Variants in TMEM150A observed in about 807,000 individuals in gnomAD.
The protein encoded by TMEM150A is fasting-inducible integral membrane protein TM6P1.
TMEM150A carries 18 observed loss-of-function variants against 29.8 expected under a neutral mutation model. That is an observed-to-expected ratio of 0.60 (90% CI 0.42 to 0.90). The LOEUF (loss-of-function observed/expected upper bound fraction) is 0.90, where lower values mean the gene tolerates loss of function less well. Ranked by LOEUF, TMEM150A falls within the 40% of genes least tolerant of loss-of-function variation. The pLI is 0.00. For missense variants in TMEM150A, 251 were observed against 349.7 expected (o/e 0.72, Z 2.25); for synonymous variants, 127 against 143.6 (o/e 0.88, Z 0.83).
At position 85,598,905 on chromosome 2, in the gene TMEM150A, G is replaced by A. The variant is rs895309526; in HGVS notation, c.*171C>T. 1.0e-6 allele frequency: 1 copy of A among 966,430 alleles called. No homozygotes were observed. Among genetic ancestry groups the A allele is most frequent in the Non-Finnish European group, 1.5e-6 (1 of 671,676 alleles). 59.9% of individuals were successfully genotyped at this position (966,430 alleles called of 1,614,324 possible). A position where few individuals can be genotyped will look rare whatever the true frequency, so the allele number is the denominator to read the frequency against. The stretch of plus-strand genomic sequence containing the variant: ...GGTCATGCAGCTGTGGCAGCTGGCA[G>A]GGCCCACTCCTCCATGGCACAGGTG... On this transcript the variant is annotated 3_prime_UTR_variant, in exon 8 of 8. Coordinates refer to ENST00000334462, the MANE Select transcript of TMEM150A (RefSeq NM_001031738.3).
chr2:85,601,546 C>T lies in TMEM150A; in HGVS notation c.66-64G>A. The T allele has an allele frequency of 1.3e-6, 2 of 1,562,302 alleles. No homozygotes were observed. Among genetic ancestry groups the T allele is most frequent in the African/African-American group, 1.3e-5 (1 of 74,096 alleles). On this transcript the variant is annotated intron_variant, in intron 2 of 7. Transcript: ENST00000334462. This position sits in a 1 kb window ranked among gnomAD's most constrained non-coding sequence, Gnocchi z 4.0. ...GCCCCACTCAACCCACCCCATGACC[C>T]TTCTCTTCAACCTTGATTTCTGGCC... is the stretch of plus-strand genomic sequence containing the variant.
Position 85,601,654 on chromosome 2 carries a change from C to G in TMEM150A, c.66-172G>C. 1.2e-6 allele frequency: 1 copy of G among 843,554 alleles called. No homozygotes were observed. Among genetic ancestry groups the G allele is most frequent in the South Asian group, 1.6e-5 (1 of 61,072 alleles). The allele number at this position is 843,554 out of a possible 1,614,324, so 52.3% of individuals were successfully genotyped here. A position where few individuals can be genotyped will look rare whatever the true frequency, so the allele number is the denominator to read the frequency against. On this transcript the variant is annotated intron_variant, in intron 2 of 7. Transcript: ENST00000334462. The surrounding 1 kb of genome is among the most constrained non-coding windows in gnomAD (Gnocchi z 4.0). ...CCACACCAGCACCTGCAGCATGCCCCCAGCTACAGGCCCTCTGGAAATTGC... is the reference window on the plus strand; with the variant it reads ...CCACACCAGCACCTGCAGCATGCCCGCAGCTACAGGCCCTCTGGAAATTGC...
Position 85,601,598 on chromosome 2 carries a change from G to A in TMEM150A, c.66-116C>T. ...CATTCAGCCTCATTATTGTTGCTGG[G>A]GACTCAAGTTGAGGTCCCTAAGGCT... On this transcript the variant is annotated intron_variant, in intron 2 of 7. Transcript: ENST00000334462. This position sits in a 1 kb window ranked among gnomAD's most constrained non-coding sequence, Gnocchi z 4.0. The A allele has an allele frequency of 7.9e-7, 1 of 1,263,770 alleles. No individual in the cohort carries two copies. 78.3% of individuals were successfully genotyped at this position (1,263,770 alleles called of 1,614,324 possible). A position where few individuals can be genotyped will look rare whatever the true frequency, so the allele number is the denominator to read the frequency against.
rs1430075166 is a variant in TMEM150A, at chr2:85,599,091, G to A, written c.801C>T (p.Ser267=). The A allele has an allele frequency of 6.2e-7, 1 of 1,613,656 alleles. No homozygotes were observed. Among genetic ancestry groups the A allele is most frequent in the East Asian group, 2.2e-5 (1 of 44,880 alleles). ...TSTHLNCAPE[S]IAMI ...TCCCCAGACCTTAGATCATAGCGAT[G>A]CTCTCGGGGGCACAGTTGAGGTGGG... is the stretch of plus-strand genomic sequence containing the variant. Residue 267 remains serine, a synonymous_variant, in exon 8 of 8, where the codon AGC becomes AGT. Coordinates refer to ENST00000334462, the MANE Select transcript of TMEM150A (RefSeq NM_001031738.3). The surrounding 1 kb of genome is among the most constrained non-coding windows in gnomAD (Gnocchi z 6.0).
Position 85,599,381 on chromosome 2 carries a change from G to C in TMEM150A, c.575-64C>G. The C allele has an allele frequency of 6.3e-7, 1 of 1,599,734 alleles. No individual in the cohort carries two copies. Among genetic ancestry groups the C allele is most frequent in the South Asian group, 1.1e-5 (1 of 89,342 alleles). ...GAAACCTGGCAACACCCCTTCTGCA[G>C]TCTCAGGCCTCACCTCTCCAAAGGG... On this transcript the variant is annotated intron_variant, in intron 7 of 7. Transcript: ENST00000334462. This position sits in a 1 kb window ranked among gnomAD's most constrained non-coding sequence, Gnocchi z 6.0.
rs766138217 is a variant in TMEM150A, at chr2:85,600,008, G to T, written c.279C>A (p.Ile93=). 41 of 1,612,580 alleles carry T rather than the reference G, an allele frequency of 2.5e-5. No individual in the cohort carries two copies. The South Asian group carries it at 3.0e-4, about 12-fold the overall frequency. Residue 93 remains isoleucine (I), a synonymous_variant, in exon 6 of 8, where the codon ATC becomes ATA. Coordinates refer to ENST00000334462, the MANE Select transcript of TMEM150A (RefSeq NM_001031738.3). Reference sequence around the variant, plus strand: ...GGAGCTGCCCGTAGCGCAGGAGGCAGATCAGGGCCACTGGGGGAGGAGAGC... The same window carrying T: ...GGAGCTGCCCGTAGCGCAGGAGGCATATCAGGGCCACTGGGGGAGGAGAGC... The part of the protein sequence containing the change: ...GNMGAFMVAL[I]CLLRYGQLLE...
At position 85,599,603 on chromosome 2, in the gene TMEM150A, C is replaced by G. The variant is rs1375500718; in HGVS notation, c.496G>C (p.Ala166Pro). The change falls in exon 7 of 8, where the codon GCC (alanine) becomes CCC (proline). Residue 166 changes from alanine (A) to proline (P), a missense_variant. By Grantham distance (27) the Ala-to-Pro change is conservative. Coordinates refer to ENST00000334462, the MANE Select transcript of TMEM150A (RefSeq NM_001031738.3). This position sits in a 1 kb window ranked among gnomAD's most constrained non-coding sequence, Gnocchi z 6.0. Reference protein sequence around the residue: ...CLHCALSYQGATAPLDLAVAY... With the variant: ...CLHCALSYQGPTAPLDLAVAY... Reference sequence around the variant, plus strand: ...ACAGCCAGGTCCAGCGGGGCGGTGGCCCCTTGGTAGGAGAGAGCACAGTGC... The same window carrying G: ...ACAGCCAGGTCCAGCGGGGCGGTGGGCCCTTGGTAGGAGAGAGCACAGTGC... The G allele has an allele frequency of 2.2e-5, 36 of 1,613,874 alleles. No individual in the cohort carries two copies. The highest frequency in any genetic ancestry group is 3.1e-5 in the Non-Finnish European group (36 of 1,179,866).
chr2:85,601,838 GC>G lies in TMEM150A; in HGVS notation c.65+45del, dbSNP rs770153644. 3 of 1,600,506 alleles carry G rather than the reference GC, an allele frequency of 1.9e-6. No individual in the cohort carries two copies. Among genetic ancestry groups the G allele is most frequent in the Non-Finnish European group, 2.6e-6 (3 of 1,168,346 alleles). Reference sequence around the variant, plus strand: ...TATGACAGGACAAGAGACTTTGTGTGCGTCATCAAGCTCCTGTTGCCCCCCG... The same window carrying G: ...TATGACAGGACAAGAGACTTTGTGTGGTCATCAAGCTCCTGTTGCCCCCCG... On this transcript the variant is annotated intron_variant, in intron 2 of 7. Transcript: ENST00000334462. This position sits in a 1 kb window ranked among gnomAD's most constrained non-coding sequence, Gnocchi z 4.0.
rs1558832792 is a variant in TMEM150A, at chr2:85,601,951, G to A, written c.-3C>T. Reference sequence around the variant, plus strand: ...GGCAGGAGGATCCAGGCGGTCATGAGGGAGGGGAGCCAGGGTGGTGGTGGT... The same window carrying A: ...GGCAGGAGGATCCAGGCGGTCATGAAGGAGGGGAGCCAGGGTGGTGGTGGT... On this transcript the variant is annotated 5_prime_UTR_variant, in exon 2 of 8. Transcript: ENST00000334462. This position sits in a 1 kb window ranked among gnomAD's most constrained non-coding sequence, Gnocchi z 4.0. 8.7e-6 allele frequency: 14 copies of A among 1,614,090 alleles called. No homozygotes were observed. Among genetic ancestry groups the A allele is most frequent in the Non-Finnish European group, 1.2e-5 (14 of 1,179,944 alleles).
rs764266770 is a variant in TMEM150A, at chr2:85,602,124, G to C, written c.-116-60C>G. ...ACTGGCCGGGAAGGGGGAGGGGAAG[G>C]GGGTCAACACCTTATCCAGCGCTCC... On this transcript the variant is annotated intron_variant, in intron 1 of 7. Coordinates refer to ENST00000334462, the MANE Select transcript of TMEM150A (RefSeq NM_001031738.3). This position sits in a 1 kb window ranked among gnomAD's most constrained non-coding sequence, Gnocchi z 5.6. 1 of 614,350 alleles carries C rather than the reference G, an allele frequency of 1.6e-6. No homozygotes were observed. The highest frequency in any genetic ancestry group is 2.6e-5 in the Admixed American group (1 of 37,920). 38.1% of individuals were successfully genotyped at this position (614,350 alleles called of 1,614,324 possible).
rs1272254189 is a variant in TMEM150A, at chr2:85,602,466, CGGCCCGGCCCCCGCTCGCCTG to C, written c.-117+120_-117+140del. 1 of 152,080 alleles carries C rather than the reference CGGCCCGGCCCCCGCTCGCCTG, an allele frequency of 6.6e-6. No homozygotes were observed. Among genetic ancestry groups the C allele is most frequent in the East Asian group, 1.9e-4 (1 of 5,170 alleles). The allele number at this position is 152,080 out of a possible 1,614,324, so 9.4% of individuals were successfully genotyped here. A position where few individuals can be genotyped will look rare whatever the true frequency, so the allele number is the denominator to read the frequency against. On this transcript the variant is annotated intron_variant, in intron 1 of 7. Transcript: ENST00000334462. The surrounding 1 kb of genome is among the most constrained non-coding windows in gnomAD (Gnocchi z 5.6). ...GCGGGTTCACGCGGAAAGCCCAGCC[CGGCCCGGCCCCCGCTCGCCTG>C]GGCGCGGGGACCCCGGCTGGGGCCG...
chr2:85,599,399 C>G lies in TMEM150A; in HGVS notation c.575-82G>C. ...TTCTGCAGTCTCAGGCCTCACCTCT[C>G]CAAAGGGAGAGGTGTTAGTCCTCTC... On this transcript the variant is annotated intron_variant, in intron 7 of 7. Coordinates refer to ENST00000334462, the MANE Select transcript of TMEM150A (RefSeq NM_001031738.3). This position sits in a 1 kb window ranked among gnomAD's most constrained non-coding sequence, Gnocchi z 6.0. 6.3e-7 allele frequency: 1 copy of G among 1,586,432 alleles called. No homozygotes were observed. The highest frequency in any genetic ancestry group is 8.6e-7 in the Non-Finnish European group (1 of 1,164,834).
Position 85,601,847 on chromosome 2 carries a change from A to C in TMEM150A, c.65+37T>G. On this transcript the variant is annotated intron_variant, in intron 2 of 7. Coordinates refer to ENST00000334462, the MANE Select transcript of TMEM150A (RefSeq NM_001031738.3). The surrounding 1 kb of genome is among the most constrained non-coding windows in gnomAD (Gnocchi z 4.0). ...ACAAGAGACTTTGTGTGCGTCATCA[A>C]GCTCCTGTTGCCCCCCGGGCACCCC... 1 of 1,609,710 alleles carries C rather than the reference A, an allele frequency of 6.2e-7. No individual in the cohort carries two copies. The highest frequency in any genetic ancestry group is 8.5e-7 in the Non-Finnish European group (1 of 1,176,284).
In TMEM150A at chr2:85,599,096, C is replaced by T. The variant is rs1438226355; in HGVS notation, c.796G>A (p.Glu266Lys). Residue 266 changes from glutamate to lysine, a missense_variant, in exon 8 of 8, where the codon GAG (glutamate) becomes AAG (lysine). Coordinates refer to ENST00000334462, the MANE Select transcript of TMEM150A (RefSeq NM_001031738.3). This position sits in a 1 kb window ranked among gnomAD's most constrained non-coding sequence, Gnocchi z 6.0. ...AGACCTTAGATCATAGCGATGCTCT[C>T]GGGGGCACAGTTGAGGTGGGTGGAG... ...STSTHLNCAP[E>K]SIAMI 3.1e-6 allele frequency: 5 copies of T among 1,613,634 alleles called. No homozygotes were observed. The highest frequency in any genetic ancestry group is 4.2e-6 in the Non-Finnish European group (5 of 1,179,990).
chr2:85,601,585 T>A lies in TMEM150A; in HGVS notation c.66-103A>T. ...TGATTTCTGGCCCCATTCAGCCTCA[T>A]TATTGTTGCTGGGGACTCAAGTTGA... is the stretch of plus-strand genomic sequence containing the variant. On this transcript the variant is annotated intron_variant, in intron 2 of 7. Coordinates refer to ENST00000334462, the MANE Select transcript of TMEM150A (RefSeq NM_001031738.3). The surrounding 1 kb of genome is among the most constrained non-coding windows in gnomAD (Gnocchi z 4.0). 1 of 1,363,900 alleles carries A rather than the reference T, an allele frequency of 7.3e-7. No homozygotes were observed. The highest frequency in any genetic ancestry group is 1.0e-6 in the Non-Finnish European group (1 of 988,000). The allele number at this position is 1,363,900 out of a possible 1,614,324, so 84.5% of individuals were successfully genotyped here. A position where few individuals can be genotyped will look rare whatever the true frequency, so the allele number is the denominator to read the frequency against.
rs1672977545 is a variant in TMEM150A, at chr2:85,601,740, C to T, written c.65+144G>A. On this transcript the variant is annotated intron_variant, in intron 2 of 7. Transcript: ENST00000334462. The surrounding 1 kb of genome is among the most constrained non-coding windows in gnomAD (Gnocchi z 4.0). ...TGGACAGCAGTGGTGCCAGCTTGTC[C>T]CAAGGGGCTGTGTGCCCAGGCACCA... 2 of 1,032,526 alleles carry T rather than the reference C, an allele frequency of 1.9e-6. No individual in the cohort carries two copies. The highest frequency in any genetic ancestry group is 2.9e-6 in the Non-Finnish European group (2 of 679,760). 64.0% of individuals were successfully genotyped at this position (1,032,526 alleles called of 1,614,324 possible). A position where few individuals can be genotyped will look rare whatever the true frequency, so the allele number is the denominator to read the frequency against.
Position 85,599,489 on chromosome 2 carries a change from G to A in TMEM150A, c.574+36C>T. The A allele has an allele frequency of 6.3e-7, 1 of 1,587,068 alleles. No individual in the cohort carries two copies. The highest frequency in any genetic ancestry group is 1.3e-5 in the African/African-American group (1 of 74,132). ...TGGGAGGGAGAAAGGTTGAGCTAGA[G>A]GATGAGTTCCTGGCTGCCCCGTCCT... On this transcript the variant is annotated intron_variant, in intron 7 of 7. Coordinates refer to ENST00000334462, the MANE Select transcript of TMEM150A (RefSeq NM_001031738.3). The surrounding 1 kb of genome is among the most constrained non-coding windows in gnomAD (Gnocchi z 6.0).
Position 85,602,140 on chromosome 2 carries a change from C to T in TMEM150A, c.-116-76G>A. The T allele has an allele frequency of 1.2e-5, 7 of 560,846 alleles. No homozygotes were observed. The South Asian group carries it at 1.4e-4, about 11-fold the overall frequency. 34.7% of individuals were successfully genotyped at this position (560,846 alleles called of 1,614,324 possible). ...GAGGGGAAGGGGGTCAACACCTTAT[C>T]CAGCGCTCCCGTTGGGTCTCTGAGC... On this transcript the variant is annotated intron_variant, in intron 1 of 7. Transcript: ENST00000334462. The surrounding 1 kb of genome is among the most constrained non-coding windows in gnomAD (Gnocchi z 5.6).
chr2:85,598,883 C>T lies in TMEM150A; in HGVS notation c.*193G>A. 1.3e-6 allele frequency: 1 copy of T among 780,138 alleles called. No homozygotes were observed. The highest frequency in any genetic ancestry group is 1.7e-5 in the African/African-American group (1 of 57,228). 48.3% of individuals were successfully genotyped at this position (780,138 alleles called of 1,614,324 possible). ...GACACCGTGGGGTGGGGAAGCAGGT[C>T]ATGCAGCTGTGGCAGCTGGCAGGGC... On this transcript the variant is annotated 3_prime_UTR_variant, in exon 8 of 8. Transcript: ENST00000334462.
Sources: allele counts gnomAD v4.1 joint callset, GRCh38; gene constraint gnomAD v4.1.1; non-coding constraint Gnocchi (gnomAD v3.1); transcripts MANE v1.5; gene names NCBI Gene and HGNC (gene_info 2026-07-23, HGNC 2026-07-21).